Variants in IQGAP2 observed in about 807,000 individuals in gnomAD.
IQGAP2 encodes ras GTPase-activating-like protein IQGAP2.
IQGAP2 carries 173 observed loss-of-function variants against 201.3 expected under a neutral mutation model. That is an observed-to-expected ratio of 0.86 (90% CI 0.76 to 0.98). The LOEUF (loss-of-function observed/expected upper bound fraction) is 0.98. Ranked by LOEUF, IQGAP2 falls within the 50% of genes least tolerant of loss-of-function variation. IQGAP2 has a pLI of 0.00. For missense variants in IQGAP2, 1,687 were observed against 1,864.8 expected, an observed-to-expected ratio of 0.90 and a Z score of 1.76; for synonymous variants, 675 against 673.9, an observed-to-expected ratio of 1.00 and a Z score of -0.03.
At chr5:76,549,685 G>A (rs896424315) in intron 2 of IQGAP2, among the ~76,000 whole-genome samples, 2 of 152,056 alleles carry the variant, frequency 1.3e-5, no homozygotes, top group Non-Finnish European at 2.9e-5. Context: ...CTCTGTCCTC[G>A]GCTTTGCAGA....
intron 1 of IQGAP2, among the ~76,000 whole-genome samples, chr5:76,458,692 G>A (rs527547111): frequency 3.3e-5 from 5 of 152,098 alleles, no homozygotes; most frequent in Non-Finnish European, 7.4e-5. Flanking sequence ...CCCTGTGTCT[G>A]GTGCTTTGAC....
intron 1 of IQGAP2, among the ~76,000 whole-genome samples, chr5:76,434,598 A>G (rs1027457574): frequency 8.5e-5 from 13 of 152,134 alleles, no homozygotes; most frequent in African/African-American, 1.7e-4. Context: ...TTATTGGTCA[A>G]TGGGCACTTA....
Position 76,652,757 on chromosome 5 carries a change from G to C in IQGAP2, c.2102G>C (p.Trp701Ser). ...EENVVKIQAF[W>S]KGYKQRKEYM... ...ACCCACTCTTTTCCTTAGGCTTTTTGGAAAGGATATAAACAACGGAAGGAG... is the reference window on the plus strand; with the variant it reads ...ACCCACTCTTTTCCTTAGGCTTTTTCGAAAGGATATAAACAACGGAAGGAG... The change falls in exon 18 of 36, where the codon TGG becomes TCG. Residue 701 changes from tryptophan to serine, a missense_variant. Transcript: ENST00000274364. The C allele has an allele frequency of 6.2e-7, 1 of 1,607,994 alleles. No individual in the cohort carries two copies. The highest frequency in any genetic ancestry group is 8.5e-7 in the Non-Finnish European group (1 of 1,174,510).
At chr5:76,485,288 C>T (rs1232776533) in intron 2 of IQGAP2, among the ~76,000 whole-genome samples, 1 of 152,168 alleles carries the variant, frequency 6.6e-6, no homozygotes, top group Non-Finnish European at 1.5e-5. Flanking sequence ...ATATTTGGAG[C>T]TCTTTTGACA....
At chr5:76,500,730 A>G (rs1035089660) in intron 2 of IQGAP2, among the ~76,000 whole-genome samples, 4 of 152,190 alleles carry the variant, frequency 2.6e-5, no homozygotes, top group Non-Finnish European at 4.4e-5. Context: ...CTACTGTATC[A>G]TAAGTATTTT....
chr5:76,508,609 G>A (rs1045904438), intron 2 of IQGAP2, among the ~76,000 whole-genome samples: 3 of 151,742 alleles, frequency 2.0e-5, no homozygotes, highest in African/African-American at 7.3e-5. Context: ...TTGGGAGGCG[G>A]AGGCAAGAGA....
In IQGAP2 at chr5:76,583,497, AT is replaced by A. The variant is rs538173249; in HGVS notation, c.459-5401del. The stretch of plus-strand genomic sequence containing the variant: ...TGAGGCCAAACAGAAACTATACAAT[AT>A]TTTTTTTAATTTTTTAGTAAATGAG... On this transcript the variant is annotated intron_variant, in intron 5 of 35. Transcript: ENST00000274364. 4.7e-4 allele frequency among the ~76,000 whole-genome samples: 71 copies of A among 152,176 alleles called. No homozygotes were observed. The East Asian group carries it at 5.2e-3, about 11-fold the overall frequency.
chr5:76,576,759 T>C (rs542571250), intron 5 of IQGAP2, among the ~76,000 whole-genome samples: 1 of 152,326 alleles, frequency 6.6e-6, no homozygotes, highest in African/African-American at 2.4e-5. Flanking sequence ...AAGATGACAG[T>C]TGCTAGAAAT....
intron 2 of IQGAP2, among the ~76,000 whole-genome samples, chr5:76,550,523 T>C (rs1270361790): frequency 1.3e-5 from 2 of 152,124 alleles, no homozygotes; most frequent in East Asian, 3.9e-4. Context: ...TTTGTGTCCC[T>C]GGGTACTTGA....
chr5:76,620,727 T>G (rs978538853), intron 13 of IQGAP2, among the ~76,000 whole-genome samples: 2 of 151,824 alleles, frequency 1.3e-5, no homozygotes, highest in African/African-American at 4.8e-5. Flanking sequence ...AAGGTGGACT[T>G]TAGGGGTAAT....
At chr5:76,646,059 G>A (rs1752011283) in intron 17 of IQGAP2, among the ~76,000 whole-genome samples, 1 of 152,122 alleles carries the variant, frequency 6.6e-6, no homozygotes, top group African/African-American at 2.4e-5. Flanking sequence ...GGAAGGAGTG[G>A]AATTTATAAT....
intron 2 of IQGAP2, among the ~76,000 whole-genome samples, chr5:76,484,591 C>T (rs895395047): frequency 3.3e-5 from 5 of 152,120 alleles, no homozygotes; most frequent in East Asian, 1.9e-4. Flanking sequence ...TCTTTAGAAA[C>T]GGGGTCTTTA....
intron 2 of IQGAP2, among the ~76,000 whole-genome samples, chr5:76,468,531 G>C (rs1754913829): frequency 6.6e-6 from 1 of 152,154 alleles, no homozygotes; most frequent in African/African-American, 2.4e-5. Context: ...ACCACTGCTA[G>C]CCCGCCAAAG....
chr5:76,682,789 C>T (rs957046403), intron 28 of IQGAP2, among the ~76,000 whole-genome samples: 2 of 152,142 alleles, frequency 1.3e-5, no homozygotes, highest in Non-Finnish European at 2.9e-5. Context: ...AGATCTGCCT[C>T]ATTCTGGACT....
At chr5:76,481,563 T>C (rs1755795209) in intron 2 of IQGAP2, among the ~76,000 whole-genome samples, 1 of 152,066 alleles carries the variant, frequency 6.6e-6, no homozygotes, top group Non-Finnish European at 1.5e-5. Flanking sequence ...TTTGTATTTT[T>C]AGTAGAGACA....
chr5:76,405,625 TA>T (rs1489755344), intron 1 of IQGAP2, among the ~76,000 whole-genome samples: 14 of 152,240 alleles, frequency 9.2e-5, no homozygotes, highest in African/African-American at 3.4e-4. Context: ...TCTAGCAGAA[TA>T]GATTTTGGCG....
At chr5:76,521,610 C>A (rs1170284628) in intron 2 of IQGAP2, among the ~76,000 whole-genome samples, 1 of 152,228 alleles carries the variant, frequency 6.6e-6, no homozygotes, top group Non-Finnish European at 1.5e-5. Flanking sequence ...GTACAAGTTT[C>A]AGAGCCCCTG....
chr5:76,453,937 A>G (rs752228486), intron 1 of IQGAP2, among the ~76,000 whole-genome samples: 12 of 152,252 alleles, frequency 7.9e-5, no homozygotes, highest in Non-Finnish European at 1.3e-4. Context: ...TTGGAGTTAA[A>G]TTTTTTAAAT....
Position 76,654,250 on chromosome 5 carries a change from A to T in IQGAP2, c.2229A>T (p.Arg743Ser). Residue 743 changes from arginine to serine, a missense_variant, in exon 19 of 36, where the codon AGA (arginine) becomes AGT (serine). Coordinates refer to ENST00000274364, the MANE Select transcript of IQGAP2 (RefSeq NM_006633.5). ...CTGCAAGAAAGAGCTATCTTTCAAG[A>T]CTACAGTATTTCAGAGATCATGTAA... is the stretch of plus-strand genomic sequence containing the variant. ...MATARKSYLS[R>S]LQYFRDHNNE... The T allele has an allele frequency of 6.2e-7, 1 of 1,609,714 alleles. No individual in the cohort carries two copies. Among genetic ancestry groups the T allele is most frequent in the Non-Finnish European group, 8.5e-7 (1 of 1,177,338 alleles).
Sources: gnomAD v4.1 joint callset for allele counts (sites outside exome capture counted in the v4.1 genomes callset) on GRCh38, gnomAD v4.1.1 for gene constraint, MANE v1.5 for transcripts, NCBI Gene and HGNC (gene_info 2026-07-23, HGNC 2026-07-21) for gene names.